TMEM108: variants seen among roughly 807,000 people sequenced by gnomAD.
The protein encoded by TMEM108 is cancer/testis antigen 124.
TMEM108 carries 12 observed loss-of-function variants against 35.1 expected under a neutral mutation model. That is an observed-to-expected ratio of 0.34 (90% CI 0.22 to 0.55). TMEM108 has a LOEUF of 0.55. Ranked by LOEUF, TMEM108 falls within the 20% of genes least tolerant of loss-of-function variation. The pLI is 0.89. For missense variants in TMEM108, 680 were observed against 753.3 expected, an observed-to-expected ratio of 0.90 and a Z score of 1.14; for synonymous variants, 287 against 308.6, an observed-to-expected ratio of 0.93 and a Z score of 0.73.
At chr3:133,386,221 T>A (rs1165389699) in intron 4 of TMEM108, among the ~76,000 whole-genome samples, 1 of 152,192 alleles carries the variant, frequency 6.6e-6, no homozygotes, top group Non-Finnish European at 1.5e-5. Context: ...AGATGATGCA[T>A]GTTAGGTCTT....
intron 3 of TMEM108, among the ~76,000 whole-genome samples, chr3:133,290,749 G>A (rs1947051735): frequency 6.6e-6 from 1 of 152,058 alleles, no homozygotes; most frequent in South Asian, 2.1e-4. Context: ...TAATGAAAAA[G>A]CAAAAGAAAA....
At chr3:133,212,882 G>GAAA (rs35722031) in intron 2 of TMEM108, among the ~76,000 whole-genome samples, 1 of 127,516 alleles carries the variant, frequency 7.8e-6, no homozygotes, top group African/African-American at 2.8e-5. Context: ...AAAAAAAAAG[G>GAAA]AAAAAAAAAA....
intron 3 of TMEM108, chr3:133,378,508 G>GC: frequency 1.0e-6 from 1 of 985,506 alleles, no homozygotes; most frequent in Non-Finnish European, 1.2e-6. Flanking sequence ...TGAAGGAACT[G>GC]CCTGAGGATG....
intron 2 of TMEM108, among the ~76,000 whole-genome samples, chr3:133,128,216 A>C (rs539336416): frequency 1.3e-5 from 2 of 152,320 alleles, no homozygotes; most frequent in African/African-American, 4.8e-5. Flanking sequence ...TGGCACTTGC[A>C]AGGGACATCA....
intron 2 of TMEM108, among the ~76,000 whole-genome samples, chr3:133,140,927 G>T (rs1342494622): frequency 1.3e-5 from 2 of 152,042 alleles, no homozygotes; most frequent in Admixed American, 6.6e-5. Flanking sequence ...CAAATTTTAT[G>T]TGTGCCAAGC....
rs1945923454 is a variant in TMEM108, at chr3:133,217,309, A to G, written c.-46-11957A>G. ...TTCTTACTATTGAGTTGAGTTCTTT[A>G]TATATTTTGTATATTAATCCTTTAT... On this transcript the variant is annotated intron_variant, in intron 2 of 5. Transcript: ENST00000321871. 2.6e-5 allele frequency among the ~76,000 whole-genome samples: 4 copies of G among 151,916 alleles called. No individual in the cohort carries two copies. The South Asian group carries it at 8.3e-4, about 31-fold the overall frequency.
chr3:133,386,645 C>T, intron 4 of TMEM108: 1 of 1,414,240 alleles, frequency 7.1e-7, no homozygotes, highest in South Asian at 1.7e-5. Context: ...GTCTTGATGG[C>T]TACTGCCTCA....
intron 5 of TMEM108, among the ~76,000 whole-genome samples, chr3:133,394,829 T>C (rs1013041964): frequency 1.4e-5 from 1 of 71,472 alleles, no homozygotes; most frequent in African/African-American, 3.4e-5. Context: ...CAGTAAGTAC[T>C]CCTCAGAAAG....
chr3:133,268,145 A>G (rs947901428), intron 3 of TMEM108, among the ~76,000 whole-genome samples: 1 of 152,262 alleles, frequency 6.6e-6, no homozygotes, highest in African/African-American at 2.4e-5. Flanking sequence ...TCACGAAGCC[A>G]TTGCAGAGGC....
At chr3:133,244,666 A>C (rs1218108092) in intron 3 of TMEM108, among the ~76,000 whole-genome samples, 3 of 152,234 alleles carry the variant, frequency 2.0e-5, no homozygotes, top group African/African-American at 7.2e-5. Context: ...GTTTTGCCAC[A>C]GAAGAAACTT....
chr3:133,193,819 T>A (rs1945536230), intron 2 of TMEM108, among the ~76,000 whole-genome samples: 1 of 152,174 alleles, frequency 6.6e-6, no homozygotes, highest in Non-Finnish European at 1.5e-5. Flanking sequence ...GTATAAAAAT[T>A]GAGTTTACTA....
intron 2 of TMEM108, among the ~76,000 whole-genome samples, chr3:133,127,561 A>G (rs746500058): frequency 2.0e-5 from 3 of 152,208 alleles, no homozygotes; most frequent in Non-Finnish European, 4.4e-5. Context: ...AAACCACACT[A>G]TCTCCACCCT....
intron 4 of TMEM108, among the ~76,000 whole-genome samples, chr3:133,384,347 G>C (rs1420456626): frequency 6.6e-6 from 1 of 152,194 alleles, no homozygotes; most frequent in Non-Finnish European, 1.5e-5. Flanking sequence ...AGATGGGCGG[G>C]GTGCTGGGCA....
At chr3:133,083,729 A>G (rs1345277036) in intron 2 of TMEM108, among the ~76,000 whole-genome samples, 1 of 152,166 alleles carries the variant, frequency 6.6e-6, no homozygotes, top group Non-Finnish European at 1.5e-5. Flanking sequence ...AAAATAAAGG[A>G]ATACATAATT....
At chr3:133,077,524 C>G (rs1943757309) in intron 2 of TMEM108, among the ~76,000 whole-genome samples, 1 of 152,122 alleles carries the variant, frequency 6.6e-6, no homozygotes, top group African/African-American at 2.4e-5. Context: ...CCACTTTGTT[C>G]TTGGGGTGAA....
chr3:133,057,435 GTATATA>G (rs56983894), intron 2 of TMEM108, among the ~76,000 whole-genome samples: 2,774 of 43,106 alleles, frequency 0.064, 62 homozygotes, highest in Non-Finnish European at 0.087. Context: ...GTGTGTGTGT[GTATATA>G]TATATATATA....
intron 3 of TMEM108, among the ~76,000 whole-genome samples, chr3:133,347,420 G>C (rs1397056484): frequency 6.6e-6 from 1 of 151,926 alleles, no homozygotes; most frequent in African/African-American, 2.4e-5. Flanking sequence ...AGTGTACATA[G>C]TGTTGTGTTT....
At chr3:133,199,334 C>G (rs2107824575) in intron 2 of TMEM108, among the ~76,000 whole-genome samples, 1 of 152,314 alleles carries the variant, frequency 6.6e-6, no homozygotes, top group East Asian at 1.9e-4. Context: ...TGGCGAGGAG[C>G]TGCATTCCTT....
intron 2 of TMEM108, among the ~76,000 whole-genome samples, chr3:133,134,946 C>T (rs1179269993): frequency 6.6e-6 from 1 of 152,048 alleles, no homozygotes; most frequent in Non-Finnish European, 1.5e-5. Flanking sequence ...AGTAGCTGCT[C>T]CTGCTATTTT....
Sources: gnomAD v4.1 joint callset for allele counts (sites outside exome capture counted in the v4.1 genomes callset) on GRCh38, gnomAD v4.1.1 for gene constraint, MANE v1.5 for transcripts, NCBI Gene and HGNC (gene_info 2026-07-23, HGNC 2026-07-21) for gene names.